Variants in RUSC2 observed in about 807,000 individuals in gnomAD.
The protein encoded by RUSC2 is AP-4 complex accessory subunit RUSC2.
In RUSC2, 34 loss-of-function variants were observed where a neutral mutation model predicts 122.2. The observed-to-expected ratio is 0.28, with a 90% CI of 0.21 to 0.37. The LOEUF (loss-of-function observed/expected upper bound fraction) is 0.37. RUSC2 is among the 10% of genes least tolerant of loss of function. The probability of loss-of-function intolerance (pLI) is 1.00; values close to 1 mark genes in which losing one functional copy is unlikely to be tolerated. For synonymous variants in RUSC2, 784 were observed against 790.0 expected (o/e 0.99, Z 0.13); for missense variants, 1,747 against 1,952.4 (o/e 0.89, Z 1.98).
At chr9:35,554,870 CA>C (rs1403099975) in intron 2 of RUSC2, among the ~76,000 whole-genome samples, 189 bp from the exon 3 acceptor site, 1 of 152,032 alleles carries the variant, frequency 6.6e-6, no homozygotes, top group Non-Finnish European at 1.5e-5. Context: ...GACAGTCCAG[CA>C]CCATAAAAGC....
intron 1 of RUSC2, among the ~76,000 whole-genome samples, chr9:35,519,529 C>A (rs1458199381): frequency 6.6e-6 from 1 of 152,182 alleles, no homozygotes; most frequent in Non-Finnish European, 1.5e-5. Flanking sequence ...CAGGGCCAGC[C>A]TACCAGCCTA....
intron 1 of RUSC2, among the ~76,000 whole-genome samples, chr9:35,494,175 A>G (rs1332881217): frequency 8.6e-5 from 13 of 151,372 alleles, no homozygotes; most frequent in African/African-American, 2.7e-4. Context: ...TTAAATAACA[A>G]CCATCCTAGG....
At chr9:35,523,542 G>A (rs867284366) in intron 1 of RUSC2, among the ~76,000 whole-genome samples, 8 of 152,150 alleles carry the variant, frequency 5.3e-5, no homozygotes, top group African/African-American at 1.7e-4. Flanking sequence ...GTGGCTGGGC[G>A]TGGTGGCTCA....
chr9:35,560,342 C>T lies in RUSC2; in HGVS notation c.3702C>T (p.Ala1234=). 6.2e-7 allele frequency: 1 copy of T among 1,610,774 alleles called. No homozygotes were observed. The highest frequency in any genetic ancestry group is 8.5e-7 in the Non-Finnish European group (1 of 1,178,276). The change falls in exon 10 of 12, where the codon GCC becomes GCT. Residue 1234 remains alanine, a synonymous_variant. Transcript: ENST00000361226. Reference sequence around the variant, plus strand: ...GGGAGCGGGTGAAGGGTGTGGGTGCCTCAGAAGGTGGAGAAGAGGAAGAGG... The same window carrying T: ...GGGAGCGGGTGAAGGGTGTGGGTGCTTCAGAAGGTGGAGAAGAGGAAGAGG... The part of the protein sequence containing the change: ...AQGERVKGVG[A]SEGGEEEEEE...
At chr9:35,550,445 G>A (rs182514945) in intron 2 of RUSC2, among the ~76,000 whole-genome samples, 26 of 152,062 alleles carry the variant, frequency 1.7e-4, no homozygotes, top group African/African-American at 6.0e-4. Context: ...GGCCAACATG[G>A]TGAAACCCCA....
chr9:35,559,687 A>G (rs1024945996), intron 9 of RUSC2, among the ~76,000 whole-genome samples: 4 of 152,218 alleles, frequency 2.6e-5, no homozygotes, highest in Non-Finnish European at 5.9e-5. Context: ...GTGAGCCGAG[A>G]TCATGCCACT....
chr9:35,559,232 G>A lies in RUSC2; in HGVS notation c.3348G>A (p.Arg1116=), dbSNP rs1330612937. The change falls in exon 9 of 12, where the codon CGG becomes CGA. Residue 1116 remains arginine, a synonymous_variant. Coordinates refer to ENST00000361226, the MANE Select transcript of RUSC2 (RefSeq NM_014806.5). ...NAFILGLLNI[R]SLEFWFNHLY... ...TTCACCTGTCTCCCTACAGCATCCGGTCCCTGGAGTTCTGGTTTAATCACC... is the reference window on the plus strand; with the variant it reads ...TTCACCTGTCTCCCTACAGCATCCGATCCCTGGAGTTCTGGTTTAATCACC... 4 of 1,613,210 alleles carry A rather than the reference G, an allele frequency of 2.5e-6. No homozygotes were observed. The African/African-American group carries it at 5.3e-5, about 22-fold the overall frequency.
intron 1 of RUSC2, among the ~76,000 whole-genome samples, chr9:35,518,487 T>G (rs534532707): frequency 7.2e-5 from 11 of 152,196 alleles, no homozygotes; most frequent in Non-Finnish European, 1.5e-4. Context: ...ATGGGGCAAG[T>G]AGACACTCTG....
At chr9:35,511,132 A>G (rs1821003835) in intron 1 of RUSC2, among the ~76,000 whole-genome samples, 1 of 152,168 alleles carries the variant, frequency 6.6e-6, no homozygotes, top group African/African-American at 2.4e-5. Flanking sequence ...AACTTTATAG[A>G]CTGCCCTTTT....
chr9:35,549,629 T>C (rs1821843184), intron 2 of RUSC2, among the ~76,000 whole-genome samples: 1 of 152,134 alleles, frequency 6.6e-6, no homozygotes, highest in Admixed American at 6.5e-5. Flanking sequence ...TCTAGAAAGA[T>C]GATTAGGATT....
At chr9:35,499,847 A>G (rs567023384) in intron 1 of RUSC2, among the ~76,000 whole-genome samples, 1 of 152,312 alleles carries the variant, frequency 6.6e-6, no homozygotes, top group Non-Finnish European at 1.5e-5. Context: ...ATTTAGATGA[A>G]CCCAAGGTAA....
At chr9:35,528,823 C>T (rs960151813) in intron 1 of RUSC2, among the ~76,000 whole-genome samples, 2 of 152,160 alleles carry the variant, frequency 1.3e-5, no homozygotes, top group African/African-American at 4.8e-5. Context: ...TGGTGTCTCA[C>T]ACCTTTAATC....
intron 4 of RUSC2, 52 bp downstream of exon 4, chr9:35,556,189 A>G (rs758006920): frequency 8.7e-6 from 14 of 1,604,404 alleles, no homozygotes; most frequent in South Asian, 1.1e-5. Flanking sequence ...CCATGGCTGG[A>G]AAGGGCTAGA....
Position 35,506,407 on chromosome 9 carries a change from C to A in RUSC2, c.-93+16235C>A, listed in dbSNP as rs111624603. On this transcript the variant is annotated intron_variant, in intron 1 of 11. Coordinates refer to ENST00000361226, the MANE Select transcript of RUSC2 (RefSeq NM_014806.5). ...TTGAGCCTAAGATCTTCCTGTCCCC[C>A]TTCCCCACAATTCGTGATAGGCTTT... Among the ~76,000 whole-genome samples, 898 of 152,306 alleles carry A rather than the reference C, an allele frequency of 5.9e-3. 15 individuals carry two copies. Among genetic ancestry groups the A allele is most frequent in the African/African-American group, 0.021 (862 of 41,566 alleles).
At position 35,555,378 on chromosome 9, in the gene RUSC2, G is replaced by A; in HGVS notation, c.2333G>A (p.Gly778Asp). The change falls in exon 3 of 12, where the codon GGC (glycine) becomes GAC (aspartate). Residue 778 changes from glycine (G) to aspartate (D), a missense_variant. Gly to Asp is a moderately conservative substitution (Grantham distance 94, BLOSUM62 -1). Coordinates refer to ENST00000361226, the MANE Select transcript of RUSC2 (RefSeq NM_014806.5). This position sits in a 1 kb window ranked among gnomAD's most constrained non-coding sequence, Gnocchi z 4.6. ...GAGACCTCTCGGCCATCGCCCCTGG[G>A]CAGCTACTCCCCCATCCGGAGTGTT... The part of the protein sequence containing the change: ...EPETSRPSPL[G>D]SYSPIRSVGP... The A allele has an allele frequency of 6.2e-7, 1 of 1,614,234 alleles. No individual in the cohort carries two copies. Among genetic ancestry groups the A allele is most frequent in the Non-Finnish European group, 8.5e-7 (1 of 1,180,034 alleles).
chr9:35,504,755 A>G (rs1410909414), intron 1 of RUSC2, among the ~76,000 whole-genome samples: 1 of 152,226 alleles, frequency 6.6e-6, no homozygotes, highest in African/African-American at 2.4e-5. Flanking sequence ...ATGAGCCACC[A>G]TACCCAGCCA....
At chr9:35,533,879 T>A (rs1003039542) in intron 1 of RUSC2, among the ~76,000 whole-genome samples, 1 of 152,250 alleles carries the variant, frequency 6.6e-6, no homozygotes, top group African/African-American at 2.4e-5. Context: ...AACATTTTGG[T>A]TGCTCCTAGT....
At position 35,558,989 on chromosome 9, in the gene RUSC2, C is replaced by T. The variant is rs1822083703; in HGVS notation, c.3342-237C>T. Among the ~76,000 whole-genome samples, 1 of 152,176 alleles carries T rather than the reference C, an allele frequency of 6.6e-6. No individual in the cohort carries two copies. Among genetic ancestry groups the T allele is most frequent in the South Asian group, 2.1e-4 (1 of 4,826 alleles). On this transcript the variant is annotated intron_variant, in intron 8 of 11. Transcript: ENST00000361226. The surrounding 1 kb of genome is among the most constrained non-coding windows in gnomAD (Gnocchi z 4.3). ...TGCCTGTACTTTCACACAGTAGCTG[C>T]CTTGATTTCTTAGGTCTACTGCAGG...
chr9:35,518,414 C>G (rs901266707), intron 1 of RUSC2, among the ~76,000 whole-genome samples: 12 of 152,172 alleles, frequency 7.9e-5, no homozygotes, highest in Admixed American at 6.5e-5. Context: ...CCAGAGTAAG[C>G]TAGTCTACAT....
Sources: gnomAD v4.1 joint callset for allele counts (sites outside exome capture counted in the v4.1 genomes callset) on GRCh38, gnomAD v4.1.1 for gene constraint, Gnocchi (gnomAD v3.1) non-coding constraint, MANE v1.5 for transcripts, NCBI Gene and HGNC (gene_info 2026-07-23, HGNC 2026-07-21) for gene names.